The following SOX5 variants were observed in gnomAD, a reference collection of about 807,000 sequenced individuals.
The protein encoded by SOX5 is transcription factor SOX-5.
In SOX5, 9 loss-of-function variants were observed where a neutral mutation model predicts 92.0. That is an observed-to-expected ratio of 0.10 (90% CI 0.06 to 0.17). The LOEUF (loss-of-function observed/expected upper bound fraction) is 0.17, where lower values mean the gene tolerates loss of function less well. SOX5 is among the 10% of genes least tolerant of loss of function. The pLI is 1.00. For synonymous variants in SOX5, 344 were observed against 336.3 expected (o/e 1.02, Z -0.25); for missense variants, 642 against 944.5 (o/e 0.68, Z 4.20).
chr12:24,137,358 C>G (rs79335003), intron 4 of SOX5, among the ~76,000 whole-genome samples: 1 of 152,062 alleles, frequency 6.6e-6, no homozygotes, highest in East Asian at 1.9e-4. Context: ...CTAGGCCAGG[C>G]AGGGTGGCTC....
intron 1 of SOX5, among the ~76,000 whole-genome samples, chr12:24,439,749 G>A (rs989338802): frequency 6.6e-6 from 1 of 152,022 alleles, no homozygotes; most frequent in African/African-American, 2.4e-5. Flanking sequence ...AAAAAAATTG[G>A]TCGGGCATGG....
intron 3 of SOX5, among the ~76,000 whole-genome samples, chr12:23,797,841 T>G (rs1208848770): frequency 6.6e-6 from 1 of 152,044 alleles, no homozygotes; most frequent in African/African-American, 2.4e-5. Context: ...CTCTCTCAAC[T>G]TACTACCTCC....
chr12:24,060,508 A>C (rs1485752901), intron 4 of SOX5, among the ~76,000 whole-genome samples: 2 of 152,220 alleles, frequency 1.3e-5, no homozygotes, highest in African/African-American at 4.8e-5. Context: ...TTTAAGTAGA[A>C]AAATAATACT....
intron 3 of SOX5, among the ~76,000 whole-genome samples, chr12:23,842,803 C>G (rs2096533922): frequency 6.6e-6 from 1 of 151,988 alleles, no homozygotes; most frequent in Admixed American, 6.6e-5. Context: ...GATAAATCTC[C>G]CATGTAGAAA....
At chr12:24,396,371 A>C (rs949326769) in intron 1 of SOX5, among the ~76,000 whole-genome samples, 1 of 152,226 alleles carries the variant, frequency 6.6e-6, no homozygotes, top group African/African-American at 2.4e-5. Context: ...GTGTGACTGG[A>C]GCACACAGAA....
chr12:24,000,340 T>C (rs185860086), intron 4 of SOX5, among the ~76,000 whole-genome samples: 57 of 152,002 alleles, frequency 3.7e-4, no homozygotes, highest in African/African-American at 1.4e-3. Flanking sequence ...AGGTATAAGA[T>C]TGTACACAAA....
chr12:24,534,573 T>TA (rs1461870427), intron 1 of SOX5, among the ~76,000 whole-genome samples: 3 of 152,212 alleles, frequency 2.0e-5, no homozygotes, highest in Non-Finnish European at 2.9e-5. Context: ...TAGAGACTCT[T>TA]AAAACCTGAG....
chr12:23,696,460 T>C (rs1042370270), intron 6 of SOX5, among the ~76,000 whole-genome samples: 2 of 152,126 alleles, frequency 1.3e-5, no homozygotes, highest in Non-Finnish European at 2.9e-5. Flanking sequence ...TTCAGTGATG[T>C]CCTTTTTCTC....
intron 1 of SOX5, among the ~76,000 whole-genome samples, chr12:24,444,137 T>C (rs1330589751): frequency 6.6e-6 from 1 of 152,210 alleles, no homozygotes; most frequent in Non-Finnish European, 1.5e-5. Context: ...GAGCATTCTA[T>C]TTCAAAGGGA....
intron 2 of SOX5, among the ~76,000 whole-genome samples, chr12:23,854,187 C>A (rs2096663694): frequency 6.6e-6 from 1 of 151,930 alleles, no homozygotes; most frequent in Non-Finnish European, 1.5e-5. Context: ...TACTTTTATC[C>A]CACATAGCAA....
chr12:24,273,549 A>G (rs930477400), intron 3 of SOX5, among the ~76,000 whole-genome samples: 1 of 152,080 alleles, frequency 6.6e-6, no homozygotes, highest in Non-Finnish European at 1.5e-5. Context: ...TTCAATACTG[A>G]TATTGGTAAT....
At position 24,151,123 on chromosome 12, in the gene SOX5, T is replaced by A. The variant is rs1951613165; in HGVS notation, c.-2+62220A>T. Among the ~76,000 whole-genome samples, 5 of 152,172 alleles carry A rather than the reference T, an allele frequency of 3.3e-5. No homozygotes were observed. The South Asian group carries it at 8.3e-4, about 25-fold the overall frequency. ...CTTATTAATGTATTTGGTGTAAATG[T>A]CAAAATAGATGAAGGACTAAAGGGT... On this transcript the variant is annotated intron_variant, in intron 4 of 4. Coordinates refer to the SOX5 transcript ENST00000446891.
chr12:24,268,664 C>T (rs1243216460), intron 3 of SOX5, among the ~76,000 whole-genome samples: 1 of 152,122 alleles, frequency 6.6e-6, no homozygotes, highest in East Asian at 1.9e-4. Context: ...AATTGTAGAG[C>T]AGAAACAATT....
chr12:24,182,629 G>T (rs988001733), intron 4 of SOX5, among the ~76,000 whole-genome samples: 1 of 150,822 alleles, frequency 6.6e-6, no homozygotes, highest in African/African-American at 2.4e-5. Flanking sequence ...TTTCTCCAAC[G>T]TACTTTAAGG....
chr12:24,479,149 C>A (rs980929893), intron 1 of SOX5, among the ~76,000 whole-genome samples: 1 of 152,162 alleles, frequency 6.6e-6, no homozygotes, highest in Non-Finnish European at 1.5e-5. Flanking sequence ...TAAGAAATGT[C>A]ATTTCTCTGC....
chr12:24,517,750 C>A lies in SOX5; in HGVS notation c.-251+44579G>T, dbSNP rs540903529. ...TCCTCCCAGGTTTACAACTCAGCAA[C>A]AGGTAGGTAAGCTTATATTCCTACA... On this transcript the variant is annotated intron_variant, in intron 1 of 4. Transcript: ENST00000446891. Among the ~76,000 whole-genome samples, 30 of 149,882 alleles carry A rather than the reference C, an allele frequency of 2.0e-4. No individual in the cohort carries two copies. In the East Asian group the frequency reaches 5.3e-3, roughly 26 times the overall value.
intron 4 of SOX5, chr12:24,212,494 C>A (rs552344258): frequency 1.9e-6 from 1 of 533,566 alleles, no homozygotes; most frequent in East Asian, 5.5e-5. Flanking sequence ...AGCAGTAACA[C>A]GGGAGGGGTT....
At chr12:24,434,109 A>G (rs1037229820) in intron 1 of SOX5, among the ~76,000 whole-genome samples, 54 of 152,158 alleles carry the variant, frequency 3.5e-4, no homozygotes, top group African/African-American at 1.2e-3. Context: ...ACTCAGAGAT[A>G]CCAAGTCAGA....
chr12:23,982,202 A>T (rs12578159), intron 4 of SOX5, among the ~76,000 whole-genome samples: 97,491 of 152,044 alleles, frequency 0.64, 31,340 homozygotes, highest in Non-Finnish European at 0.66. Flanking sequence ...CTATCTGCTT[A>T]TCATAAAAGC....
Sources: allele counts gnomAD v4.1 joint callset (sites outside exome capture counted in the v4.1 genomes callset), GRCh38; gene constraint gnomAD v4.1.1; transcripts MANE v1.5; gene names NCBI Gene and HGNC (gene_info 2026-07-23, HGNC 2026-07-21).